MAP4K3: variants seen among roughly 807,000 people sequenced by gnomAD.
MAP4K3 encodes the protein mitogen-activated protein kinase kinase kinase kinase 3, also known as MAPK/ERK kinase kinase kinase 3.
A neutral mutation model predicts 143.5 loss-of-function variants in MAP4K3; 94 were observed. The observed-to-expected ratio is 0.65, with a 90% CI of 0.55 to 0.78. MAP4K3 has a LOEUF of 0.78. MAP4K3 is among the 30% of genes least tolerant of loss of function. The pLI is 0.00. For synonymous variants in MAP4K3, 416 were observed against 347.2 expected, an observed-to-expected ratio of 1.20 and a Z score of -2.20; for missense variants, 1,077 against 1,068.1, an observed-to-expected ratio of 1.01 and a Z score of -0.12.
intron 1 of MAP4K3, among the ~76,000 whole-genome samples, chr2:39,418,799 T>G (rs1406451594): frequency 6.6e-6 from 1 of 151,976 alleles, no homozygotes; most frequent in East Asian, 1.9e-4. Flanking sequence ...CTTAAAACTA[T>G]CAAAGTTATC....
At position 39,286,882 on chromosome 2, in the gene MAP4K3, G is replaced by C. The variant is rs1456537594; in HGVS notation, c.1557C>G (p.Asn519Lys). Residue 519 changes from asparagine (N) to lysine (K), a missense_variant, in exon 21 of 34, where the codon AAC (asparagine) becomes AAG (lysine). This residue lies in a region of MAP4K3 where 864 missense variants were observed against 801.2 expected (regional missense o/e 1.08). Transcript: ENST00000263881. The part of the protein sequence containing the change: ...CQQQNEHRGT[N>K]LSRKEKKDVP... ...CATCTTTCTTTTCTTTTCTTGAAAG[G>C]TTTGTGCCTCTATGTTCATTCTGTT... The C allele has an allele frequency of 6.2e-7, 1 of 1,608,336 alleles. No homozygotes were observed. Among genetic ancestry groups the C allele is most frequent in the East Asian group, 2.2e-5 (1 of 44,678 alleles).
chr2:39,429,400 G>A (rs1665211809), intron 1 of MAP4K3, among the ~76,000 whole-genome samples: 1 of 152,154 alleles, frequency 6.6e-6, no homozygotes, highest in Non-Finnish European at 1.5e-5. Flanking sequence ...CACTAACTGA[G>A]TGACAGATCC....
At chr2:39,348,953 T>C (rs1312051423) in intron 3 of MAP4K3, among the ~76,000 whole-genome samples, 1 of 152,178 alleles carries the variant, frequency 6.6e-6, no homozygotes, top group African/African-American at 2.4e-5. Flanking sequence ...TTCTCAAATA[T>C]AGCATAATTT....
chr2:39,313,370 C>T (rs1039870363), intron 13 of MAP4K3, among the ~76,000 whole-genome samples: 7 of 152,136 alleles, frequency 4.6e-5, no homozygotes, highest in South Asian at 2.1e-4. Context: ...CTCCCTCCTC[C>T]TAACTCTTCA....
At chr2:39,399,341 C>T (rs763982957) in intron 1 of MAP4K3, among the ~76,000 whole-genome samples, 1 of 152,180 alleles carries the variant, frequency 6.6e-6, no homozygotes, top group South Asian at 2.1e-4. Context: ...CAGTGCAGGT[C>T]AGGCTAGGAT....
chr2:39,308,173 C>T (rs2148497407), intron 14 of MAP4K3, among the ~76,000 whole-genome samples, 168 bp from the exon 15 acceptor site: 1 of 152,252 alleles, frequency 6.6e-6, no homozygotes, highest in Middle Eastern at 3.4e-3. Flanking sequence ...AACATTGCAA[C>T]AACTTTGCTC....
At chr2:39,301,747 G>A (rs1186579996) in intron 15 of MAP4K3, among the ~76,000 whole-genome samples, 3 of 152,198 alleles carry the variant, frequency 2.0e-5, no homozygotes, top group Non-Finnish European at 4.4e-5. Flanking sequence ...AAATAGGCCG[G>A]GCGCAGTGGC....
chr2:39,329,648 C>T (rs1484687116), intron 8 of MAP4K3, among the ~76,000 whole-genome samples: 1 of 152,120 alleles, frequency 6.6e-6, no homozygotes, highest in Non-Finnish European at 1.5e-5. Flanking sequence ...TATTGCCCCC[C>T]AATTCCCACT....
chr2:39,297,203 C>T (rs1043440187), intron 16 of MAP4K3, among the ~76,000 whole-genome samples: 8 of 151,990 alleles, frequency 5.3e-5, no homozygotes, highest in Non-Finnish European at 1.0e-4. Context: ...CTGCAACCAC[C>T]GCCTCCTGGG....
At chr2:39,353,882 GAT>G (rs1665530170) in intron 3 of MAP4K3, among the ~76,000 whole-genome samples, 1 of 152,116 alleles carries the variant, frequency 6.6e-6, no homozygotes, top group Admixed American at 6.6e-5. Flanking sequence ...CTGTCATGTA[GAT>G]ATTATTATCA....
chr2:39,423,999 A>G (rs974199751), intron 1 of MAP4K3, among the ~76,000 whole-genome samples: 2 of 152,074 alleles, frequency 1.3e-5, no homozygotes, highest in African/African-American at 4.8e-5. Context: ...GCTGGAGTGC[A>G]GTGGCACGAT....
At chr2:39,348,342 GA>G (rs980487051) in intron 3 of MAP4K3, among the ~76,000 whole-genome samples, 3 of 149,862 alleles carry the variant, frequency 2.0e-5, no homozygotes, top group East Asian at 3.9e-4. Context: ...CTTATAGGCA[GA>G]AAAAAAAATC....
intron 24 of MAP4K3, among the ~76,000 whole-genome samples, chr2:39,276,419 C>G (rs183721614): frequency 6.6e-6 from 1 of 152,304 alleles, no homozygotes; most frequent in East Asian, 1.9e-4. Context: ...GATCTCTGAT[C>G]TTTCTCTAGG....
chr2:39,334,460 C>T (rs1683793628), intron 6 of MAP4K3, among the ~76,000 whole-genome samples: 1 of 152,052 alleles, frequency 6.6e-6, no homozygotes, highest in Admixed American at 6.6e-5. Context: ...AAAAAAGGCT[C>T]CTAAACTCCA....
At position 39,364,059 on chromosome 2, in the gene MAP4K3, T is replaced by C. The variant is rs543632968; in HGVS notation, c.155-7720A>G. On this transcript the variant is annotated intron_variant, in intron 2 of 33. Transcript: ENST00000263881. ...AGGATATGAATACCCCCGTCCACTGTTGATGGGAATGTAAAATGGTGTAGC... is the reference window on the plus strand; with the variant it reads ...AGGATATGAATACCCCCGTCCACTGCTGATGGGAATGTAAAATGGTGTAGC... Among the ~76,000 whole-genome samples, 13 of 150,252 alleles carry C rather than the reference T, an allele frequency of 8.7e-5. No homozygotes were observed. The East Asian group carries it at 2.3e-3, about 27-fold the overall frequency.
chr2:39,267,556 C>A (rs1006998406), intron 26 of MAP4K3: 9 of 247,300 alleles, frequency 3.6e-5, no homozygotes, highest in African/African-American at 6.6e-5. Context: ...GCCTGTAATC[C>A]CAGCTACTCA....
intron 27 of MAP4K3, 92 bp downstream of exon 27, chr2:39,267,097 A>C: frequency 8.3e-7 from 1 of 1,205,522 alleles, no homozygotes; most frequent in Non-Finnish European, 1.2e-6. Flanking sequence ...AAAATAAAGT[A>C]TTGCTGGCAG....
chr2:39,416,597 C>G (rs1244382343), intron 1 of MAP4K3, among the ~76,000 whole-genome samples: 2 of 152,156 alleles, frequency 1.3e-5, no homozygotes, highest in Non-Finnish European at 2.9e-5. Context: ...CAGAAGAAAG[C>G]AAGCATTATT....
chr2:39,326,330 T>C (rs1184572135), intron 8 of MAP4K3, 53 bp from the exon 9 acceptor site: 8 of 1,585,830 alleles, frequency 5.0e-6, no homozygotes, highest in Admixed American at 1.8e-5. Flanking sequence ...TTTTCCTTTA[T>C]ACTCCCACCC....
Sources: gnomAD v4.1 joint callset for allele counts (sites outside exome capture counted in the v4.1 genomes callset) on GRCh38, gnomAD v4.1.1 for gene constraint, gnomAD v4.1.1 regional missense constraint, MANE v1.5 for transcripts, NCBI Gene and HGNC (gene_info 2026-07-23, HGNC 2026-07-21) for gene names.